Variants in STX17 observed in about 807,000 individuals in gnomAD.
STX17 encodes the protein syntaxin 17, also known as syntaxin-17.
In STX17, 29 loss-of-function variants were observed where a neutral mutation model predicts 35.9. The observed-to-expected ratio is 0.81, with a 90% CI of 0.60 to 1.10. The LOEUF (loss-of-function observed/expected upper bound fraction) is 1.10, where lower values mean the gene tolerates loss of function less well. Among genes scored for constraint, STX17 ranks in the 50% least tolerant of loss-of-function variants. The probability of loss-of-function intolerance (pLI) is 0.00; values close to 1 mark genes in which losing one functional copy is unlikely to be tolerated. For synonymous variants in STX17, 92 were observed against 118.3 expected, an observed-to-expected ratio of 0.78 and a Z score of 1.44; for missense variants, 312 against 352.3, an observed-to-expected ratio of 0.89 and a Z score of 0.92.
chr9:99,925,120 T>C (rs1278168414), intron 2 of STX17, among the ~76,000 whole-genome samples: 1 of 152,166 alleles, frequency 6.6e-6, no homozygotes, highest in Non-Finnish European at 1.5e-5. Flanking sequence ...TTCCTTTTGC[T>C]GGCTTACTAT....
chr9:99,959,165 GCTT>G (rs1829777450), intron 4 of STX17, among the ~76,000 whole-genome samples: 1 of 152,124 alleles, frequency 6.6e-6, no homozygotes, highest in South Asian at 2.1e-4. Context: ...TTCTTTTGGT[GCTT>G]CTTCCACATT....
At chr9:99,912,456 A>T (rs943705074) in intron 1 of STX17, among the ~76,000 whole-genome samples, 1 of 152,024 alleles carries the variant, frequency 6.6e-6, no homozygotes, top group African/African-American at 2.4e-5. Context: ...CCACTTTTTA[A>T]TGGAACTATT....
At chr9:99,967,867 C>A in intron 7 of STX17, 128 bp downstream of exon 7, 1 of 755,510 alleles carries the variant, frequency 1.3e-6, no homozygotes, top group Non-Finnish European at 2.3e-6. Flanking sequence ...GAAGAAATGA[C>A]ACATAGGTAG....
chr9:99,935,329 C>CAAAA (rs35032937), intron 3 of STX17, among the ~76,000 whole-genome samples: 2 of 101,196 alleles, frequency 2.0e-5, no homozygotes, highest in African/African-American at 3.8e-5. Flanking sequence ...CACTCCATCT[C>CAAAA]AAAAAAAAAA....
At chr9:99,939,725 T>G (rs1211509881) in intron 3 of STX17, among the ~76,000 whole-genome samples, 2 of 152,216 alleles carry the variant, frequency 1.3e-5, no homozygotes. Flanking sequence ...CCCTCCTTCA[T>G]GAAGCCTACC....
At chr9:99,922,990 A>G (rs924922525) in intron 2 of STX17, among the ~76,000 whole-genome samples, 4 of 152,208 alleles carry the variant, frequency 2.6e-5, no homozygotes, top group African/African-American at 9.7e-5. Flanking sequence ...TTCAAGTGAC[A>G]TTGACAAATA....
chr9:99,963,334 C>A (rs983592155), intron 6 of STX17, among the ~76,000 whole-genome samples: 1 of 152,140 alleles, frequency 6.6e-6, no homozygotes, highest in Non-Finnish European at 1.5e-5. Flanking sequence ...TTAAAGAACC[C>A]TGGGCCAGTA....
At chr9:99,934,948 A>G (rs890036522) in intron 3 of STX17, among the ~76,000 whole-genome samples, 1 of 152,160 alleles carries the variant, frequency 6.6e-6, no homozygotes, top group Non-Finnish European at 1.5e-5. Context: ...GTTTTGGGAC[A>G]TTACTGAAAG....
chr9:99,917,039 A>G (rs1828791084), intron 2 of STX17, among the ~76,000 whole-genome samples: 1 of 152,228 alleles, frequency 6.6e-6, no homozygotes, highest in Non-Finnish European at 1.5e-5. Flanking sequence ...CAGAAGTCAC[A>G]AGAAGATTAT....
rs1829965397 is a variant in STX17, at chr9:99,968,589, A to G, written c.825A>G (p.Ile275Met). 6.2e-7 allele frequency: 1 copy of G among 1,613,884 alleles called. No homozygotes were observed. The highest frequency in any genetic ancestry group is 1.3e-5 in the African/African-American group (1 of 74,892). ...GVLGFTGGKLIQRKKQKMMEK... is the reference protein window; with the variant it reads ...GVLGFTGGKLMQRKKQKMMEK... Reference sequence around the variant, plus strand: ...TGGGCTTCACAGGTGGAAAATTGATACAAAGAAAGAAACAGAAAATGATGG... The same window carrying G: ...TGGGCTTCACAGGTGGAAAATTGATGCAAAGAAAGAAACAGAAAATGATGG... The change falls in exon 8 of 8, where the codon ATA becomes ATG. Residue 275 changes from isoleucine to methionine, a missense_variant. By Grantham distance (10) the Ile-to-Met change is conservative. Transcript: ENST00000259400.
At chr9:99,936,765 T>C (rs139114159) in intron 3 of STX17, among the ~76,000 whole-genome samples, 215 of 152,270 alleles carry the variant, frequency 1.4e-3, no homozygotes, top group African/African-American at 4.7e-3. Context: ...CTTTTATACA[T>C]CATATACTTC....
At chr9:99,954,752 T>A (rs1379054388) in intron 4 of STX17, among the ~76,000 whole-genome samples, 3 of 152,076 alleles carry the variant, frequency 2.0e-5, no homozygotes, top group Non-Finnish European at 2.9e-5. Flanking sequence ...GTTGGAAACA[T>A]CAGCAGAGAT....
At chr9:99,949,649 C>A (rs1829552950) in intron 3 of STX17, among the ~76,000 whole-genome samples, 1 of 151,842 alleles carries the variant, frequency 6.6e-6, no homozygotes, top group African/African-American at 2.4e-5. Flanking sequence ...TCTTACTTAA[C>A]TGGTCTGTCT....
chr9:99,933,570 C>T (rs1829168578), intron 3 of STX17, among the ~76,000 whole-genome samples: 1 of 152,102 alleles, frequency 6.6e-6, no homozygotes, highest in Non-Finnish European at 1.5e-5. Flanking sequence ...TATTTATCTT[C>T]TTTAATATTT....
intron 1 of STX17, among the ~76,000 whole-genome samples, chr9:99,910,330 A>G (rs933301703): frequency 6.6e-6 from 1 of 152,220 alleles, no homozygotes; most frequent in East Asian, 1.9e-4. Flanking sequence ...ATAATGAGAC[A>G]TCATTTTTTT....
intron 2 of STX17, among the ~76,000 whole-genome samples, chr9:99,923,629 T>C (rs904124331): frequency 5.9e-5 from 9 of 152,216 alleles, no homozygotes; most frequent in African/African-American, 2.2e-4. Context: ...ATTCTGGTGC[T>C]GTCTACCTAG....
chr9:99,915,395 G>A, intron 2 of STX17, 33 bp downstream of exon 2: 1 of 1,566,548 alleles, frequency 6.4e-7, no homozygotes, highest in Non-Finnish European at 8.6e-7. Context: ...ACAAGAAATA[G>A]TTACATAGTT....
Position 99,928,808 on chromosome 9 carries a change from C to G in STX17, c.154C>G (p.His52Asp). Residue 52 changes from histidine to aspartate, a missense_variant, in exon 3 of 8, where the codon CAT (histidine) becomes GAT (aspartate). His to Asp is a moderately conservative substitution (Grantham distance 81). Transcript: ENST00000259400. ...AAGGTGCAGAATCTGGGACAAGTTG[C>G]ATGAAGAGCATATCAATGCAGGACG... is the stretch of plus-strand genomic sequence containing the variant. ...YQRCRIWDKL[H>D]EEHINAGRTV... 6.2e-7 allele frequency: 1 copy of G among 1,613,512 alleles called. No individual in the cohort carries two copies. The highest frequency in any genetic ancestry group is 8.5e-7 in the Non-Finnish European group (1 of 1,179,658).
intron 4 of STX17, among the ~76,000 whole-genome samples, chr9:99,951,775 C>G (rs756738127): frequency 2.0e-5 from 3 of 151,960 alleles, no homozygotes; most frequent in Non-Finnish European, 4.4e-5. Context: ...AGAAACAGCC[C>G]TGTGAAATTT....
Sources: allele counts gnomAD v4.1 joint callset (sites outside exome capture counted in the v4.1 genomes callset), GRCh38; gene constraint gnomAD v4.1.1; transcripts MANE v1.5; gene names NCBI Gene and HGNC (gene_info 2026-07-23, HGNC 2026-07-21).